Variants in RSF1 observed in about 807,000 individuals in gnomAD.
RSF1 encodes the protein HBV pX-associated protein 8.
Under a neutral mutation model 145.2 loss-of-function variants are expected in RSF1, and 13 were observed. The ratio of observed to expected loss-of-function variants is 0.09; its 90% CI spans 0.06 to 0.14. The LOEUF is 0.14. Ranked by LOEUF, RSF1 falls within the 10% of genes least tolerant of loss-of-function variation. RSF1 has a pLI of 1.00. For synonymous variants in RSF1, 577 were observed against 592.6 expected (o/e 0.97, Z 0.38); for missense variants, 1,517 against 1,718.2 (o/e 0.88, Z 2.07).
the RSF1 span, among the ~76,000 whole-genome samples, chr11:77,828,730 G>A: frequency 2.0e-3 from 310 of 151,500 alleles, 1 homozygote; most frequent in African/African-American, 6.5e-3. Context: ...TTTAAAAGAC[G>A]TACATGGGAA....
At chr11:77,857,587 A>T in the RSF1 span, among the ~76,000 whole-genome samples, 2 of 151,574 alleles carry the variant, frequency 1.3e-5, no homozygotes, top group African/African-American at 4.8e-5. Flanking sequence ...TTATTTATTT[A>T]TTTTAATTTT....
chr11:77,849,376 C>G, the RSF1 span, among the ~76,000 whole-genome samples: 1 of 152,078 alleles, frequency 6.6e-6, no homozygotes, highest in Non-Finnish European at 1.5e-5. Context: ...TGTGTGTGAC[C>G]ACGCCCGGCT....
Position 77,665,660 on chromosome 11 carries a change from GTA to G in RSF1, c.*1255_*1256del, listed in dbSNP as rs1165129279. 1 of 152,108 alleles carries G rather than the reference GTA, an allele frequency of 6.6e-6. No individual in the cohort carries two copies. Among genetic ancestry groups the G allele is most frequent in the Non-Finnish European group, 1.5e-5 (1 of 68,018 alleles). 9.4% of individuals were successfully genotyped at this position (152,108 alleles called of 1,614,324 possible). On this transcript the variant is annotated 3_prime_UTR_variant, in exon 16 of 16. Transcript: ENST00000308488. ...GTTCTCATTCAACTCTATGTTGGTT[GTA>G]TGACTATTAATGAATTTTAATAGAA...
intron 5 of RSF1, among the ~76,000 whole-genome samples, chr11:77,718,722 A>G (rs1340109064): frequency 6.6e-6 from 1 of 152,218 alleles, no homozygotes; most frequent in African/African-American, 2.4e-5. Context: ...TTTGCAAGCC[A>G]GGAAAAGAGC....
Position 77,667,413 on chromosome 11 carries a change from C to A in RSF1, c.3830G>T (p.Ser1277Ile), listed in dbSNP as rs1565141498. Residue 1277 changes from serine to isoleucine, a missense_variant, in exon 16 of 16, where the codon AGC (serine) becomes ATC (isoleucine). This residue lies in a region of RSF1 where 240 missense variants were observed against 231.8 expected (regional missense o/e 1.04). Coordinates refer to ENST00000308488, the MANE Select transcript of RSF1 (RefSeq NM_016578.4). ...SKRSVRKRGRSTDEYSEADEE... is the reference protein window; with the variant it reads ...SKRSVRKRGRITDEYSEADEE... Reference sequence around the variant, plus strand: ...ATCTGCTTCTGAATACTCGTCTGTGCTTCGGCCCCGCTTTCGAACTGACCG... The same window carrying A: ...ATCTGCTTCTGAATACTCGTCTGTGATTCGGCCCCGCTTTCGAACTGACCG... 1 of 1,613,986 alleles carries A rather than the reference C, an allele frequency of 6.2e-7. No homozygotes were observed. The highest frequency in any genetic ancestry group is 8.5e-7 in the Non-Finnish European group (1 of 1,180,032).
chr11:77,677,649 C>T (rs1959744089), intron 12 of RSF1, among the ~76,000 whole-genome samples: 1 of 152,138 alleles, frequency 6.6e-6, no homozygotes, highest in Non-Finnish European at 1.5e-5. Flanking sequence ...TCAAGTTCTT[C>T]TATTTTAATG....
At chr11:77,711,120 C>CCCCT (rs1565156551) in intron 5 of RSF1, among the ~76,000 whole-genome samples, 1 of 148,980 alleles carries the variant, frequency 6.7e-6, no homozygotes, top group African/African-American at 2.5e-5. Context: ...GACACCCCCC[C>CCCCT]TGACCCCCAC....
At chr11:77,816,775 CCA>C (rs1948785833) in intron 1 of RSF1, among the ~76,000 whole-genome samples, 1 of 152,172 alleles carries the variant, frequency 6.6e-6, no homozygotes, top group African/African-American at 2.4e-5. Flanking sequence ...TCATCTACCT[CCA>C]GTTAGGAGAA....
chr11:77,811,413 G>A (rs1413115277), intron 1 of RSF1, among the ~76,000 whole-genome samples: 6 of 152,190 alleles, frequency 3.9e-5, no homozygotes, highest in East Asian at 1.9e-4. Context: ...TGTAGGCTAG[G>A]CAGTAACTGC....
intron 3 of RSF1, among the ~76,000 whole-genome samples, chr11:77,741,420 A>G (rs1362885299): frequency 6.6e-6 from 1 of 152,092 alleles, no homozygotes; most frequent in Non-Finnish European, 1.5e-5. Flanking sequence ...GTGCACGCCT[A>G]CAGTCCCAGC....
chr11:77,813,820 G>GACACACACAC (rs10688175), intron 1 of RSF1: 3,171 of 169,276 alleles, frequency 0.019, 44 homozygotes, highest in African/African-American at 0.021. Context: ...TTTGTAAAAG[G>GACACACACAC]ACACACACAC....
intron 8 of RSF1, chr11:77,691,586 G>GCCCA (rs1245608836): frequency 4.8e-6 from 1 of 207,026 alleles, no homozygotes. Context: ...GTTTTAAAGG[G>GCCCA]AGAAGGTTAT....
intron 1 of RSF1, among the ~76,000 whole-genome samples, chr11:77,812,787 G>A (rs1948743442): frequency 6.6e-6 from 1 of 151,720 alleles, no homozygotes; most frequent in South Asian, 2.1e-4. Context: ...CTACTCAGGA[G>A]GCTGAAGCAG....
chr11:77,705,371 C>T (rs1454152958), intron 5 of RSF1, among the ~76,000 whole-genome samples: 3 of 152,194 alleles, frequency 2.0e-5, no homozygotes, highest in African/African-American at 7.2e-5. Flanking sequence ...GTGGTAGCTA[C>T]TGTGGGTTTT....
chr11:77,705,234 G>GA, intron 5 of RSF1, among the ~76,000 whole-genome samples: 1 of 152,224 alleles, frequency 6.6e-6, no homozygotes, highest in African/African-American at 2.4e-5. Flanking sequence ...TTTGTCAAAA[G>GA]AAAGTTGTAA....
chr11:77,802,188 T>C (rs1177773923), intron 1 of RSF1, among the ~76,000 whole-genome samples: 1 of 152,076 alleles, frequency 6.6e-6, no homozygotes. Flanking sequence ...AGAAGTAAAG[T>C]GTTTCCCTGA....
Position 77,729,895 on chromosome 11 carries a change from C to CAAAAAAAAAAAAAAAAA in RSF1, c.579-4213_579-4197dup, listed in dbSNP as rs398045289. Reference sequence around the variant, plus strand: ...TATAAATGCCAAATTATTCAGTAGGCAAAAAAAAAAAAAAAAAAAAAAAAA... The same window carrying CAAAAAAAAAAAAAAAAA: ...TATAAATGCCAAATTATTCAGTAGGCAAAAAAAAAAAAAAAAAAAAAAAAAAAAAAAAAAAAAAAAAA... On this transcript the variant is annotated intron_variant, in intron 4 of 15. Transcript: ENST00000308488. Among the ~76,000 whole-genome samples the CAAAAAAAAAAAAAAAAA allele has an allele frequency of 2.8e-3, 139 of 48,926 alleles. 18 individuals carry two copies. Among genetic ancestry groups the CAAAAAAAAAAAAAAAAA allele is most frequent in the East Asian group, 5.3e-3 (7 of 1,322 alleles). 32.1% of individuals were successfully genotyped at this position (48,926 alleles called of 152,430 possible).
In RSF1 at chr11:77,785,480, C is replaced by T. The variant is rs35650496; in HGVS notation, c.188-20791G>A. Among the ~76,000 whole-genome samples, 1,180 of 152,136 alleles carry T rather than the reference C, an allele frequency of 7.8e-3. 12 individuals are homozygous for T. Among genetic ancestry groups the T allele is most frequent in the Middle Eastern group, 0.054 (16 of 294 alleles). ...TGGCATACACCTGTAATCCCAGCTA[C>T]TTAGGAGGCTGAGGCAGGAGAATTG... On this transcript the variant is annotated intron_variant, in intron 1 of 15. Coordinates refer to ENST00000308488, the MANE Select transcript of RSF1 (RefSeq NM_016578.4).
Position 77,693,572 on chromosome 11 carries a change from C to T in RSF1, c.2755G>A (p.Ala919Thr). The T allele has an allele frequency of 6.2e-7, 1 of 1,613,862 alleles. No homozygotes were observed. Among genetic ancestry groups the T allele is most frequent in the Non-Finnish European group, 8.5e-7 (1 of 1,179,908 alleles). The change falls in exon 8 of 16, where the codon GCC (alanine) becomes ACC (threonine). Residue 919 changes from alanine to threonine, a missense_variant. Physicochemically the swap from Ala to Thr is moderately conservative, Grantham distance 58 (BLOSUM62 0). Around this residue, in one of 12 missense-constraint regions of RSF1, gnomAD observed 29 missense variants for 102.3 expected, o/e 0.28. Coordinates refer to ENST00000308488, the MANE Select transcript of RSF1 (RefSeq NM_016578.4). ...CDSCDSGYHT[A>T]CLRPPLMIIP... is the part of the protein sequence containing the mutation. ...ATCATCAGAGGAGGGCGAAGGCAGG[C>T]AGTATGGTATCCACTATCGCAAGAG...
Sources: gnomAD v4.1 joint callset for allele counts (sites outside exome capture counted in the v4.1 genomes callset) on GRCh38, gnomAD v4.1.1 for gene constraint, gnomAD v4.1.1 regional missense constraint, MANE v1.5 for transcripts, NCBI Gene and HGNC (gene_info 2026-07-23, HGNC 2026-07-21) for gene names.